Variants in SLC4A11 observed in about 807,000 individuals in gnomAD.
SLC4A11 encodes solute carrier family 4 member 11, also known as bicarbonate transporter related protein 1.
SLC4A11 carries 74 observed loss-of-function variants against 95.0 expected under a neutral mutation model. That is an observed-to-expected ratio of 0.78 (90% CI 0.65 to 0.95). The LOEUF (loss-of-function observed/expected upper bound fraction) is 0.95, where lower values mean the gene tolerates loss of function less well. Ranked by LOEUF, SLC4A11 falls within the 40% of genes least tolerant of loss-of-function variation. The pLI, the probability that SLC4A11 is intolerant of heterozygous loss-of-function variation, is 0.00. For missense variants in SLC4A11, 1,081 were observed against 1,192.4 expected, an observed-to-expected ratio of 0.91 and a Z score of 1.38; for synonymous variants, 548 against 519.0, an observed-to-expected ratio of 1.06 and a Z score of -0.76.
At chr20:3,232,939 G>C (rs902947904) in intron 7 of SLC4A11, among the ~76,000 whole-genome samples, 2 of 152,106 alleles carry the variant, frequency 1.3e-5, no homozygotes, top group South Asian at 2.1e-4. Flanking sequence ...TGCATTTGTG[G>C]AGGTTCCCGC....
intron 2 of SLC4A11, among the ~76,000 whole-genome samples, chr20:3,235,165 T>A (rs2067929155): frequency 6.6e-6 from 1 of 152,122 alleles, no homozygotes; most frequent in South Asian, 2.1e-4. Context: ...GAAAAACATG[T>A]CCACTCCAGA....
chr20:3,235,112 C>T (rs1386557242), intron 2 of SLC4A11, among the ~76,000 whole-genome samples: 1 of 152,172 alleles, frequency 6.6e-6, no homozygotes, highest in East Asian at 1.9e-4. Context: ...ATTCCCTAGC[C>T]GCTGAGACCA....
At chr20:3,238,712 A>C in intron 1 of SLC4A11, 1 of 1,026,964 alleles carries the variant, frequency 9.7e-7, no homozygotes, top group Non-Finnish European at 1.2e-6. Context: ...GCGGAAGGTA[A>C]AATGAGACCT....
Position 3,228,683 on chromosome 20 carries a change from C to A in SLC4A11, c.2217G>T (p.Arg739=). ...YDTIVNVKET[R]LTSLGASVLV... ...GGACGCTGGCGCCCAGCGAGGTCAG[C>A]CGCGTCTCCTTCACGTTCACAATCC... Residue 739 remains arginine (R), a synonymous_variant, in exon 18 of 20, where the codon CGG becomes CGT. Coordinates refer to ENST00000642402, the MANE Select transcript of SLC4A11 (RefSeq NM_001174089.2). The A allele has an allele frequency of 6.2e-7, 1 of 1,612,948 alleles. No homozygotes were observed. Among genetic ancestry groups the A allele is most frequent in the Non-Finnish European group, 8.5e-7 (1 of 1,179,892 alleles).
At chr20:3,229,303 TGG>T in intron 15 of SLC4A11, 40 bp from the exon 16 acceptor site, 1 of 1,613,028 alleles carries the variant, frequency 6.2e-7, no homozygotes. Flanking sequence ...CTGCAGCGCC[TGG>T]GGAGCTACCC....
Position 3,234,576 on chromosome 20 carries a change from A to G in SLC4A11, c.283T>C (p.Ser95Pro). 6.2e-7 allele frequency: 1 copy of G among 1,613,804 alleles called. No individual in the cohort carries two copies. Among genetic ancestry groups the G allele is most frequent in the Non-Finnish European group, 8.5e-7 (1 of 1,180,000 alleles). ...TSGGCVLLHT[S>P]RKYLKLKNFK... ...CAGGACAGGCCATTCACCTTTCGGG[A>G]GGTGTGCAGGAGCACACAGCCACCG... The change falls in exon 4 of 20, where the codon TCC (serine) becomes CCC (proline). Residue 95 changes from serine to proline, a missense_variant. Physicochemically the swap from Ser to Pro is moderately conservative, Grantham distance 74. Coordinates refer to ENST00000642402, the MANE Select transcript of SLC4A11 (RefSeq NM_001174089.2). This position sits in a 1 kb window ranked among gnomAD's most constrained non-coding sequence, Gnocchi z 5.8.
At chr20:3,236,339 G>A (rs1244115008) in intron 2 of SLC4A11, among the ~76,000 whole-genome samples, 1 of 152,196 alleles carries the variant, frequency 6.6e-6, no homozygotes, top group Non-Finnish European at 1.5e-5. Flanking sequence ...GCCTTTGGGA[G>A]GCCAAGGCAG....
At position 3,228,545 on chromosome 20, in the gene SLC4A11, G is replaced by A. The variant is rs755312854; in HGVS notation, c.2355C>T (p.Leu785=). 17 of 1,613,056 alleles carry A rather than the reference G, an allele frequency of 1.1e-5. No individual in the cohort carries two copies. The highest frequency in any genetic ancestry group is 4.5e-5 in the East Asian group (2 of 44,882). The change falls in exon 18 of 20, where the codon CTC becomes CTT. Residue 785 remains leucine (L), a synonymous_variant. Coordinates refer to ENST00000642402, the MANE Select transcript of SLC4A11 (RefSeq NM_001174089.2). ...IALTSLDGNQ[L]VQRVALLLKE... ...TGAGCAGCAGGGCCACGCGCTGGACGAGCTGGTTGCCATCGAGGGAGGTGA... is the reference window on the plus strand; with the variant it reads ...TGAGCAGCAGGGCCACGCGCTGGACAAGCTGGTTGCCATCGAGGGAGGTGA...
At chr20:3,235,354 C>CAA (rs2067947387) in intron 2 of SLC4A11, among the ~76,000 whole-genome samples, 1 of 150,010 alleles carries the variant, frequency 6.7e-6, no homozygotes, top group African/African-American at 2.5e-5. Flanking sequence ...CACACACACA[C>CAA]GCTGCCTTGT....
chr20:3,235,391 C>T (rs995602311), intron 2 of SLC4A11, among the ~76,000 whole-genome samples: 1 of 151,760 alleles, frequency 6.6e-6, no homozygotes, highest in Non-Finnish European at 1.5e-5. Flanking sequence ...AGCTCCGCCT[C>T]CCCAGGAGGG....
At position 3,229,685 on chromosome 20, in the gene SLC4A11, G is replaced by T. The variant is rs765804145; in HGVS notation, c.1581C>A (p.Ser527Arg). The change falls in exon 14 of 20, where the codon AGC (serine) becomes AGA (arginine). Residue 527 changes from serine (S) to arginine (R), a missense_variant. Physicochemically the swap from Ser to Arg is moderately radical, Grantham distance 110. Coordinates refer to ENST00000642402, the MANE Select transcript of SLC4A11 (RefSeq NM_001174089.2). Reference sequence around the variant, plus strand: ...GGGCAGTGTGGAGGCTGGCGTTGAGGCTGGCGCCGAGGCCTGACAGGCTGA... The same window carrying T: ...GGGCAGTGTGGAGGCTGGCGTTGAGTCTGGCGCCGAGGCCTGACAGGCTGA... ...SLVSLSGLGA[S>R]LNASLHTALN... 8.1e-6 allele frequency: 13 copies of T among 1,613,796 alleles called. No homozygotes were observed. Among genetic ancestry groups the T allele is most frequent in the Non-Finnish European group, 1.0e-5 (12 of 1,179,980 alleles).
intron 1 of SLC4A11, chr20:3,238,590 A>G: frequency 1.0e-6 from 1 of 990,942 alleles, no homozygotes. Context: ...CCCGTGTCAG[A>G]GCAAGGGAGA....
In SLC4A11 at chr20:3,237,530, CGA is replaced by C. The variant is rs748643740; in HGVS notation, c.88+12_88+13del. ...GCTCTCTCTGCACACACACACTCCC[CGA>C]GAGGTACTCACTTGAATCCTCGAAG... On this transcript the variant is annotated intron_variant, in intron 2 of 19. Coordinates refer to ENST00000642402, the MANE Select transcript of SLC4A11 (RefSeq NM_001174089.2). 2.6e-5 allele frequency: 42 copies of C among 1,613,428 alleles called. No individual in the cohort carries two copies. Among genetic ancestry groups the C allele is most frequent in the Non-Finnish European group, 3.4e-5 (40 of 1,179,446 alleles).
chr20:3,229,507 C>G lies in SLC4A11; in HGVS notation c.1742+17G>C. ...TTTGACCCATGCGGCCCCTCCCCTC[C>G]CCATGCAGCCCCTCACCTCTTCTTG... is the stretch of plus-strand genomic sequence containing the variant. On this transcript the variant is annotated intron_variant, in intron 14 of 19. Transcript: ENST00000642402. 1 of 1,612,780 alleles carries G rather than the reference C, an allele frequency of 6.2e-7. No individual in the cohort carries two copies. The highest frequency in any genetic ancestry group is 8.5e-7 in the Non-Finnish European group (1 of 1,179,956).
In SLC4A11 at chr20:3,229,567, C is replaced by T; in HGVS notation, c.1699G>A (p.Gly567Ser). ...AGGGTGTAGCCCAGCCAGAGCGTGC[C>T]CAGCATGATGAGGAGGCTGAGCACG... ...TAVLSLLIML[G>S]TLWLGYTLYQ... Residue 567 changes from glycine (G) to serine (S), a missense_variant, in exon 14 of 20, where the codon GGC becomes AGC. Physicochemically the swap from Gly to Ser is moderately conservative, Grantham distance 56 (BLOSUM62 0). Around this residue, in one of 3 missense-constraint regions of SLC4A11, gnomAD observed 767 missense variants for 858.0 expected, o/e 0.89. Transcript: ENST00000642402. 6.2e-7 allele frequency: 1 copy of T among 1,612,934 alleles called. No individual in the cohort carries two copies.
chr20:3,227,917 T>TACCCCCCC, intron 19 of SLC4A11, 61 bp from the exon 20 acceptor site: 1 of 1,488,440 alleles, frequency 6.7e-7, no homozygotes, highest in Non-Finnish European at 9.1e-7. Flanking sequence ...TGGACACCCA[T>TACCCCCCC]CCCAGCCCAC....
At chr20:3,229,060 G>GCGC in intron 16 of SLC4A11, 35 bp downstream of exon 16, 7 of 1,542,140 alleles carry the variant, frequency 4.5e-6, no homozygotes, top group Non-Finnish European at 5.2e-6. Flanking sequence ...AGAGGCCCGG[G>GCGC]CCCCGCCCAC....
rs1432978667 is a variant in SLC4A11, at chr20:3,233,620, A to G, written c.623T>C (p.Leu208Pro). Residue 208 changes from leucine (L) to proline (P), a missense_variant, in exon 7 of 20, where the codon CTA (leucine) becomes CCA (proline). Leu to Pro is a moderately conservative substitution (Grantham distance 98). Coordinates refer to ENST00000642402, the MANE Select transcript of SLC4A11 (RefSeq NM_001174089.2). ...GCTGATGCACACGTGCCGCTTCTGT[A>G]GGGCCTTCATGGTACAGCTGGCAGG... ...WLCIICTMKA[L>P]QKRHVCISRL... is the part of the protein sequence containing the mutation. The G allele has an allele frequency of 1.9e-6, 3 of 1,613,106 alleles. No individual in the cohort carries two copies. Among genetic ancestry groups the G allele is most frequent in the Non-Finnish European group, 2.5e-6 (3 of 1,179,994 alleles).
At position 3,234,249 on chromosome 20, in the gene SLC4A11, C is replaced by A. The variant is rs34460295; in HGVS notation, c.357G>T (p.Ala119=). The change falls in exon 5 of 20, where the codon GCG becomes GCT. Residue 119 remains alanine, a synonymous_variant. Transcript: ENST00000642402. The surrounding 1 kb of genome is among the most constrained non-coding windows in gnomAD (Gnocchi z 5.8). ...TCTCGTTCAGGACGATGCTGGCCTG[C>A]GCCAGGAAGCCATCTAGGTCGCGGT... ...RAHRDLDGFL[A]QASIVLNETA... is the part of the protein sequence containing the mutation. 1.2e-6 allele frequency: 2 copies of A among 1,614,046 alleles called. No individual in the cohort carries two copies. Among genetic ancestry groups the A allele is most frequent in the East Asian group, 2.2e-5 (1 of 44,884 alleles).
Sources: allele counts gnomAD v4.1 joint callset (sites outside exome capture counted in the v4.1 genomes callset), GRCh38; gene constraint gnomAD v4.1.1; regional missense constraint gnomAD v4.1.1; non-coding constraint Gnocchi (gnomAD v3.1); transcripts MANE v1.5; gene names NCBI Gene and HGNC (gene_info 2026-07-23, HGNC 2026-07-21).